Variants in OPCML observed in about 807,000 individuals in gnomAD.
OPCML encodes opioid-binding protein/cell adhesion molecule.
OPCML carries 13 observed loss-of-function variants against 37.8 expected under a neutral mutation model. The ratio of observed to expected loss-of-function variants is 0.34; its 90% CI spans 0.22 to 0.55. OPCML has a LOEUF of 0.55. Ranked by LOEUF, OPCML falls within the 20% of genes least tolerant of loss-of-function variation. OPCML has a pLI of 0.91. For missense variants in OPCML, 341 were observed against 435.6 expected, an observed-to-expected ratio of 0.78 and a Z score of 1.93; for synonymous variants, 176 against 168.8, an observed-to-expected ratio of 1.04 and a Z score of -0.33.
At chr11:132,980,132 C>G (rs996685037) in intron 1 of OPCML, among the ~76,000 whole-genome samples, 1 of 152,080 alleles carries the variant, frequency 6.6e-6, no homozygotes, top group African/African-American at 2.4e-5. Context: ...TATTCACCAA[C>G]TTGATGAAGG....
At chr11:132,971,476 G>A (rs1046850516) in intron 1 of OPCML, among the ~76,000 whole-genome samples, 2 of 152,232 alleles carry the variant, frequency 1.3e-5, no homozygotes, top group Non-Finnish European at 2.9e-5. Flanking sequence ...AAGCCCGTGC[G>A]TTCAGCCCCA....
intron 1 of OPCML, among the ~76,000 whole-genome samples, chr11:133,391,376 C>A (rs1357020826): frequency 6.6e-6 from 1 of 152,160 alleles, no homozygotes. Context: ...ATCTTACTAA[C>A]CCGTGCAGAC....
At chr11:132,870,642 T>C (rs184781774) in intron 2 of OPCML, among the ~76,000 whole-genome samples, 35 of 152,252 alleles carry the variant, frequency 2.3e-4, no homozygotes, top group African/African-American at 8.4e-4. Flanking sequence ...CGAGATAATA[T>C]GGAAAGAACG....
chr11:133,058,154 A>G (rs1176768552), intron 1 of OPCML, among the ~76,000 whole-genome samples: 1 of 152,240 alleles, frequency 6.6e-6, no homozygotes, highest in Admixed American at 6.5e-5. Flanking sequence ...CTATAATATA[A>G]TGTGACAAAT....
intron 2 of OPCML, among the ~76,000 whole-genome samples, chr11:132,785,528 T>C (rs931478048): frequency 1.5e-4 from 23 of 152,192 alleles, no homozygotes; most frequent in Admixed American, 1.2e-3. Context: ...TTAAAAGAGA[T>C]AAACAATGAC....
At chr11:133,245,842 T>C (rs1003015310) in intron 1 of OPCML, among the ~76,000 whole-genome samples, 1 of 152,088 alleles carries the variant, frequency 6.6e-6, no homozygotes, top group Admixed American at 6.5e-5. Flanking sequence ...CCGGAAACCA[T>C]CTTTCTCAGC....
chr11:132,637,096 T>C (rs1463944654), intron 3 of OPCML, among the ~76,000 whole-genome samples: 5 of 152,038 alleles, frequency 3.3e-5, no homozygotes, highest in African/African-American at 1.2e-4. Context: ...CCTATTTATA[T>C]ATTTTTTACT....
chr11:133,297,015 C>G (rs1340501603), intron 1 of OPCML, among the ~76,000 whole-genome samples: 1 of 152,132 alleles, frequency 6.6e-6, no homozygotes, highest in Non-Finnish European at 1.5e-5. Flanking sequence ...TAACAGTGAA[C>G]AGTCATACCT....
intron 2 of OPCML, chr11:132,810,845 CT>C (rs1939299434): frequency 6.6e-6 from 1 of 152,158 alleles, no homozygotes; most frequent in Admixed American, 6.5e-5. Flanking sequence ...AGGGCTGAGT[CT>C]TTATACCGCC....
At chr11:132,791,165 C>A (rs551019470) in intron 2 of OPCML, among the ~76,000 whole-genome samples, 2 of 152,250 alleles carry the variant, frequency 1.3e-5, no homozygotes, top group East Asian at 1.9e-4. Flanking sequence ...CCAGGAAAAG[C>A]GGAGCTCAGC....
intron 2 of OPCML, among the ~76,000 whole-genome samples, chr11:132,774,131 C>G (rs935300623): frequency 1.3e-5 from 2 of 152,132 alleles, no homozygotes. Flanking sequence ...TTTGAACAGA[C>G]TGTACTCTAT....
chr11:133,037,372 T>C (rs1388071107), intron 1 of OPCML, among the ~76,000 whole-genome samples: 2 of 152,230 alleles, frequency 1.3e-5, no homozygotes, highest in Non-Finnish European at 2.9e-5. Context: ...TCTCTGTTAC[T>C]GGAAGCGTTC....
chr11:132,568,001 A>G (rs1411796321), intron 3 of OPCML, among the ~76,000 whole-genome samples: 1 of 151,920 alleles, frequency 6.6e-6, no homozygotes, highest in African/African-American at 2.4e-5. Flanking sequence ...GAAAATAGAA[A>G]GGGGTCCCTG....
chr11:133,257,654 C>G (rs910211028), intron 1 of OPCML, among the ~76,000 whole-genome samples: 1 of 152,184 alleles, frequency 6.6e-6, no homozygotes, highest in Non-Finnish European at 1.5e-5. Flanking sequence ...AGTGCCCTCT[C>G]TTCCTTTTGT....
intron 2 of OPCML, among the ~76,000 whole-genome samples, chr11:132,901,572 T>C (rs763503783): frequency 2.6e-5 from 4 of 152,164 alleles, no homozygotes; most frequent in Non-Finnish European, 5.9e-5. Flanking sequence ...TACAATTAGC[T>C]ATGGCTCAAA....
rs528718310 is a variant in OPCML, at chr11:132,823,193, C to A, written c.146+119733G>T. On this transcript the variant is annotated intron_variant, in intron 2 of 7. Transcript: ENST00000524381. ...TGTTTGCTTGTTTTCTTCCCCTGTCCCTGTTCCATTTTTTTCTCCTAGCTT... is the reference window on the plus strand; with the variant it reads ...TGTTTGCTTGTTTTCTTCCCCTGTCACTGTTCCATTTTTTTCTCCTAGCTT... 2.6e-5 allele frequency among the ~76,000 whole-genome samples: 4 copies of A among 152,230 alleles called. No individual in the cohort carries two copies. The South Asian group carries it at 8.3e-4, about 32-fold the overall frequency.
At chr11:133,118,200 G>A in intron 1 of OPCML, 1 of 980,774 alleles carries the variant, frequency 1.0e-6, no homozygotes, top group Non-Finnish European at 1.2e-6. Context: ...CCATGTGTAG[G>A]AGGCCCTGTT....
intron 1 of OPCML, among the ~76,000 whole-genome samples, chr11:133,111,131 A>G (rs1432204682): frequency 2.6e-5 from 4 of 152,228 alleles, no homozygotes; most frequent in Non-Finnish European, 5.9e-5. Flanking sequence ...TTTTCCATGG[A>G]AAATAGAATT....
chr11:133,009,094 G>T (rs1947166511), intron 1 of OPCML: 1 of 985,148 alleles, frequency 1.0e-6, no homozygotes, highest in Non-Finnish European at 1.2e-6. Context: ...GGTTTAGTGA[G>T]ATTAAATGCA....
Sources: gnomAD v4.1 joint callset for allele counts (sites outside exome capture counted in the v4.1 genomes callset) on GRCh38, gnomAD v4.1.1 for gene constraint, MANE v1.5 for transcripts, NCBI Gene and HGNC (gene_info 2026-07-23, HGNC 2026-07-21) for gene names.